RNGTT: variants seen among roughly 807,000 people sequenced by gnomAD.
The protein encoded by RNGTT is mRNA-capping enzyme.
In RNGTT, 33 loss-of-function variants were observed where a neutral mutation model predicts 79.3. The ratio of observed to expected loss-of-function variants is 0.42; its 90% CI spans 0.32 to 0.56. The LOEUF (loss-of-function observed/expected upper bound fraction) is 0.56, where lower values mean the gene tolerates loss of function less well. RNGTT is among the 20% of genes least tolerant of loss of function. The pLI, the probability that RNGTT is intolerant of heterozygous loss-of-function variation, is 0.17. For missense variants in RNGTT, 497 were observed against 739.1 expected (o/e 0.67, Z 3.80); for synonymous variants, 222 against 235.9 (o/e 0.94, Z 0.54).
intron 13 of RNGTT, among the ~76,000 whole-genome samples, chr6:88,742,703 C>G (rs993519760): frequency 6.6e-6 from 1 of 152,068 alleles, no homozygotes; most frequent in East Asian, 1.9e-4. Flanking sequence ...TAAATGAATT[C>G]CAATATTAGA....
In RNGTT at chr6:88,612,712, G is replaced by T. The variant is rs768989742; in HGVS notation, c.*7C>A. On this transcript the variant is annotated 3_prime_UTR_variant, in exon 16 of 16. Transcript: ENST00000369485. ...TTTCTTCTTAACCCTCAAGTCACAGGCAGGTCTTAGGTTAAAGGGCGTGGT... is the reference window on the plus strand; with the variant it reads ...TTTCTTCTTAACCCTCAAGTCACAGTCAGGTCTTAGGTTAAAGGGCGTGGT... The T allele has an allele frequency of 6.2e-7, 1 of 1,609,322 alleles. No homozygotes were observed. Among genetic ancestry groups the T allele is most frequent in the Non-Finnish European group, 8.5e-7 (1 of 1,178,214 alleles).
At chr6:88,680,459 A>G (rs918398847) in intron 13 of RNGTT, among the ~76,000 whole-genome samples, 1 of 152,098 alleles carries the variant, frequency 6.6e-6, no homozygotes, top group Non-Finnish European at 1.5e-5. Context: ...AAGAGCCTAC[A>G]GGCCAGGCGT....
chr6:88,884,196 A>T (rs1355805741), intron 8 of RNGTT, among the ~76,000 whole-genome samples: 1 of 152,212 alleles, frequency 6.6e-6, no homozygotes, highest in Non-Finnish European at 1.5e-5. Context: ...AAGTCAGCTC[A>T]CAGTTATTCA....
At chr6:88,652,308 A>G (rs549554439) in intron 14 of RNGTT, among the ~76,000 whole-genome samples, 6 of 152,346 alleles carry the variant, frequency 3.9e-5, no homozygotes, top group Admixed American at 3.9e-4. Context: ...TGCATTTAGC[A>G]TAGTTTGCAA....
intron 4 of RNGTT, among the ~76,000 whole-genome samples, chr6:88,915,103 A>T (rs1459902299): frequency 6.6e-6 from 1 of 152,222 alleles, no homozygotes; most frequent in Non-Finnish European, 1.5e-5. Context: ...TTATTACTAA[A>T]AAGTCAAAGA....
At chr6:88,792,629 C>T (rs944157636) in intron 12 of RNGTT, among the ~76,000 whole-genome samples, 1 of 152,032 alleles carries the variant, frequency 6.6e-6, no homozygotes, top group East Asian at 1.9e-4. Context: ...GTAGAAAAGT[C>T]ATAAATCTCT....
At chr6:88,933,330 T>A (rs1325625359) in intron 2 of RNGTT, among the ~76,000 whole-genome samples, 2 of 152,214 alleles carry the variant, frequency 1.3e-5, no homozygotes, top group African/African-American at 4.8e-5. Context: ...AACAGTCACC[T>A]TACCCTGCTA....
rs568614294 is a variant in RNGTT, at chr6:88,885,118, T to A, written c.896+5377A>T. Reference sequence around the variant, plus strand: ...TATAGGTGTGTATTTATGTATATACTCACACACACACACACACACACATAT... The same window carrying A: ...TATAGGTGTGTATTTATGTATATACACACACACACACACACACACACATAT... On this transcript the variant is annotated intron_variant, in intron 8 of 15. Transcript: ENST00000369485. Among the ~76,000 whole-genome samples, 25 of 149,152 alleles carry A rather than the reference T, an allele frequency of 1.7e-4. No individual in the cohort carries two copies. The South Asian group carries it at 5.1e-3, about 30-fold the overall frequency.
At chr6:88,931,747 G>T (rs952385692) in intron 2 of RNGTT, among the ~76,000 whole-genome samples, 3 of 152,130 alleles carry the variant, frequency 2.0e-5, no homozygotes, top group African/African-American at 7.2e-5. Flanking sequence ...GGAAGTCAGG[G>T]ACCCCTAACA....
intron 13 of RNGTT, among the ~76,000 whole-genome samples, chr6:88,695,819 T>A (rs1775641251): frequency 6.6e-6 from 1 of 152,224 alleles, no homozygotes; most frequent in Non-Finnish European, 1.5e-5. Flanking sequence ...CTATTTAGCC[T>A]TTAAAGAAAG....
At chr6:88,693,963 G>T (rs1053419474) in intron 13 of RNGTT, among the ~76,000 whole-genome samples, 2 of 151,984 alleles carry the variant, frequency 1.3e-5, no homozygotes, top group East Asian at 3.9e-4. Context: ...ACATACTAAA[G>T]ACCACATATG....
chr6:88,643,790 T>A (rs532498187), intron 14 of RNGTT, among the ~76,000 whole-genome samples: 2 of 152,196 alleles, frequency 1.3e-5, no homozygotes, highest in Non-Finnish European at 2.9e-5. Flanking sequence ...AATAAAGATG[T>A]TCTTTGAAAC....
At chr6:88,719,212 C>T (rs1307598432) in intron 13 of RNGTT, among the ~76,000 whole-genome samples, 1 of 152,160 alleles carries the variant, frequency 6.6e-6, no homozygotes, top group Non-Finnish European at 1.5e-5. Context: ...TCAATAAATG[C>T]TTACTTAATG....
chr6:88,919,895 G>C (rs1219318468), intron 4 of RNGTT, among the ~76,000 whole-genome samples: 1 of 151,910 alleles, frequency 6.6e-6, no homozygotes, highest in Non-Finnish European at 1.5e-5. Flanking sequence ...TCACCATGGT[G>C]GTCAGGCTGG....
intron 4 of RNGTT, among the ~76,000 whole-genome samples, chr6:88,917,495 TA>T (rs905435842): frequency 6.6e-6 from 1 of 152,076 alleles, no homozygotes; most frequent in African/African-American, 2.4e-5. Flanking sequence ...GTCAAAATCC[TA>T]AAAAAACCTG....
At chr6:88,615,536 T>G (rs2127845628) in intron 14 of RNGTT, among the ~76,000 whole-genome samples, 1 of 152,284 alleles carries the variant, frequency 6.6e-6, no homozygotes, top group African/African-American at 2.4e-5. Context: ...CTTGCCAAAT[T>G]TATCCTCAAA....
rs1391624391 is a variant in RNGTT, at chr6:88,844,458, T to G, written c.1168A>C (p.Ser390Arg). 3 of 1,614,000 alleles carry G rather than the reference T, an allele frequency of 1.9e-6. No individual in the cohort carries two copies. The highest frequency in any genetic ancestry group is 8.5e-7 in the Non-Finnish European group (1 of 1,179,882). ...RLQCIEREIISPRHEKMKTGL... is the reference protein window; with the variant it reads ...RLQCIEREIIRPRHEKMKTGL... Reference sequence around the variant, plus strand: ...GTCTTCATTTTTTCGTGTCGAGGACTTATAATTTCTCGTTCTATACACTGC... The same window carrying G: ...GTCTTCATTTTTTCGTGTCGAGGACGTATAATTTCTCGTTCTATACACTGC... Residue 390 changes from serine (S) to arginine (R), a missense_variant, in exon 11 of 16, where the codon AGT becomes CGT. Ser to Arg is a moderately radical substitution (Grantham distance 110). Around this residue, in one of 3 missense-constraint regions of RNGTT, gnomAD observed 440 missense variants for 671.5 expected, o/e 0.66. Coordinates refer to ENST00000369485, the MANE Select transcript of RNGTT (RefSeq NM_003800.5).
chr6:88,640,546 C>CAAAAA (rs71541174), intron 14 of RNGTT, among the ~76,000 whole-genome samples: 1 of 67,874 alleles, frequency 1.5e-5, no homozygotes. Context: ...GACCTTGTCT[C>CAAAAA]AAAAAAAAAA....
intron 13 of RNGTT, among the ~76,000 whole-genome samples, chr6:88,753,279 A>G (rs907110211): frequency 1.3e-5 from 2 of 152,190 alleles, no homozygotes; most frequent in African/African-American, 4.8e-5. Context: ...TTGAGGCAGG[A>G]GGACTGCTTG....
Sources: allele counts gnomAD v4.1 joint callset (sites outside exome capture counted in the v4.1 genomes callset), GRCh38; gene constraint gnomAD v4.1.1; regional missense constraint gnomAD v4.1.1; transcripts MANE v1.5; gene names NCBI Gene and HGNC (gene_info 2026-07-23, HGNC 2026-07-21).